EBF3: variants seen among roughly 807,000 people sequenced by gnomAD.
EBF3 encodes the protein transcription factor COE3.
In EBF3, 18 loss-of-function variants were observed where a neutral mutation model predicts 77.1. That is an observed-to-expected ratio of 0.23 (90% CI 0.16 to 0.35). The LOEUF (loss-of-function observed/expected upper bound fraction) is 0.35, where lower values mean the gene tolerates loss of function less well. Among genes scored for constraint, EBF3 ranks in the 10% least tolerant of loss-of-function variants. The pLI is 1.00. For missense variants in EBF3, 558 were observed against 860.0 expected, an observed-to-expected ratio of 0.65 and a Z score of 4.39; for synonymous variants, 350 against 343.5, an observed-to-expected ratio of 1.02 and a Z score of -0.21.
At chr10:129,946,277 C>T (rs1858219833) in intron 6 of EBF3, among the ~76,000 whole-genome samples, 1 of 152,198 alleles carries the variant, frequency 6.6e-6, no homozygotes, top group African/African-American at 2.4e-5. Flanking sequence ...AACTCTGAAA[C>T]AATGTAAATT....
chr10:129,868,654 G>A (rs1394710973), intron 8 of EBF3, among the ~76,000 whole-genome samples: 1 of 152,222 alleles, frequency 6.6e-6, no homozygotes, highest in South Asian at 2.1e-4. Context: ...GGTGCAGGGG[G>A]GAGGGGACCA....
intron 9 of EBF3, among the ~76,000 whole-genome samples, 176 bp downstream of exon 9, chr10:129,867,606 G>A (rs1289360584): frequency 6.6e-6 from 1 of 152,216 alleles, no homozygotes; most frequent in African/African-American, 2.4e-5. Flanking sequence ...GGGCTGCAGG[G>A]CAGGGGGGTG....
intron 6 of EBF3, among the ~76,000 whole-genome samples, chr10:129,911,178 GGGACCTCCA>G (rs1855501289): frequency 6.6e-6 from 1 of 152,234 alleles, no homozygotes; most frequent in African/African-American, 2.4e-5. Flanking sequence ...ACAGCTGTGA[GGGACCTCCA>G]GCCCACGGGT....
rs543562128 is a variant in EBF3 at position 129,841,588 on chromosome 10, C to T, written c.1372+528G>A. 1.2e-4 allele frequency among the ~76,000 whole-genome samples: 18 copies of T among 152,200 alleles called. No individual in the cohort carries two copies. The East Asian group carries it at 1.9e-3, about 16-fold the overall frequency. On this transcript the variant is annotated intron_variant, in intron 13 of 16. Transcript: ENST00000440978. The surrounding 1 kb of genome is among the most constrained non-coding windows in gnomAD (Gnocchi z 4.6). ...AGGTGTTTTCTAAGATCACTGCCTG[C>T]GCGCTTTTCAATGAAGAAAACTAAA...
intron 10 of EBF3, among the ~76,000 whole-genome samples, chr10:129,850,990 G>C (rs986899712): frequency 6.6e-6 from 1 of 152,206 alleles, no homozygotes; most frequent in African/African-American, 2.4e-5. Flanking sequence ...CCAGGGCAAG[G>C]CGCTGGCACG....
intron 6 of EBF3, among the ~76,000 whole-genome samples, chr10:129,904,527 G>T (rs1854999744): frequency 6.6e-6 from 1 of 151,740 alleles, no homozygotes; most frequent in Non-Finnish European, 1.5e-5. Flanking sequence ...GTGCACATAT[G>T]GATAGATGAA....
At chr10:129,873,657 G>C in intron 7 of EBF3, 61 bp from the exon 8 acceptor site, 1 of 1,428,622 alleles carries the variant, frequency 7.0e-7, no homozygotes, top group East Asian at 2.6e-5. Flanking sequence ...CCCCCTGTTA[G>C]GCAAAATACA....
rs10665456 is a variant in EBF3, at chr10:129,889,946, CTTTTTTT to C, written c.555-12104_555-12098del. 1.6e-3 allele frequency among the ~76,000 whole-genome samples: 134 copies of C among 82,876 alleles called. No individual in the cohort carries two copies. The South Asian group carries it at 0.02, about 13-fold the overall frequency. 54.4% of individuals were successfully genotyped at this position (82,876 alleles called of 152,430 possible). ...AAATGAGCAAAGCCCATTGAAGTGCCTTTTTTTTTTTTTTTTTTTTTTTTTTTTTTGG... is the reference window on the plus strand; with the variant it reads ...AAATGAGCAAAGCCCATTGAAGTGCCTTTTTTTTTTTTTTTTTTTTTTTGG... On this transcript the variant is annotated intron_variant, in intron 6 of 16. Transcript: ENST00000440978.
rs1858296724 is a variant in EBF3 at position 129,947,217 on chromosome 10, CCG to C, written c.554+10039_554+10040del. 6.6e-6 allele frequency among the ~76,000 whole-genome samples: 1 copy of C among 152,228 alleles called. No homozygotes were observed. Among genetic ancestry groups the C allele is most frequent in the Non-Finnish European group, 1.5e-5 (1 of 68,048 alleles). The stretch of plus-strand genomic sequence containing the variant: ...GGGGCCGCCGGGGGACCACCCCATC[CCG>C]GCACACTGATCTGATTTACAAACCT... On this transcript the variant is annotated intron_variant, in intron 6 of 16. Transcript: ENST00000440978. The surrounding 1 kb of genome is among the most constrained non-coding windows in gnomAD (Gnocchi z 4.5).
In EBF3 at chr10:129,891,698, G is replaced by A. The variant is rs551117791; in HGVS notation, c.555-13849C>T. 6.6e-5 allele frequency among the ~76,000 whole-genome samples: 10 copies of A among 152,266 alleles called. No homozygotes were observed. The East Asian group carries it at 1.5e-3, about 24-fold the overall frequency. On this transcript the variant is annotated intron_variant, in intron 6 of 16. Transcript: ENST00000440978. ...GCCATCCTTTGTGGATCCGTGGCCCGGTGGTCTGCCACCCAAGGAGGTGAT... is the reference window on the plus strand; with the variant it reads ...GCCATCCTTTGTGGATCCGTGGCCCAGTGGTCTGCCACCCAAGGAGGTGAT...
intron 6 of EBF3, among the ~76,000 whole-genome samples, chr10:129,916,770 G>A (rs1032006933): frequency 3.3e-5 from 5 of 152,162 alleles, no homozygotes; most frequent in East Asian, 1.9e-4. Flanking sequence ...TCCGGCTCAC[G>A]CTCAGCCTCA....
chr10:129,912,397 A>G (rs1294854851), intron 6 of EBF3, among the ~76,000 whole-genome samples: 1 of 152,186 alleles, frequency 6.6e-6, no homozygotes, highest in African/African-American at 2.4e-5. Flanking sequence ...CTGCCTCCTG[A>G]TTGGCTCCTG....
intron 6 of EBF3, among the ~76,000 whole-genome samples, chr10:129,931,169 C>T (rs1354390435): frequency 1.3e-5 from 2 of 152,166 alleles, no homozygotes; most frequent in Non-Finnish European, 2.9e-5. Flanking sequence ...TTGGTTCTGT[C>T]TTTCTGGAAA....
intron 6 of EBF3, among the ~76,000 whole-genome samples, chr10:129,932,147 G>C (rs1197402671): frequency 6.6e-6 from 1 of 152,216 alleles, no homozygotes. Context: ...CAGGGTAGAA[G>C]CACCCCCTCC....
At chr10:129,884,095 A>G (rs1853402760) in intron 6 of EBF3, among the ~76,000 whole-genome samples, 1 of 152,304 alleles carries the variant, frequency 6.6e-6, no homozygotes, top group South Asian at 2.1e-4. Flanking sequence ...TCCCTGACTG[A>G]TAAGAGTGGC....
At chr10:129,845,221 T>A (rs1287809571) in intron 11 of EBF3, 1 of 152,238 alleles carries the variant, frequency 6.6e-6, no homozygotes. Context: ...TTGAACAAGT[T>A]TGTTTTGTTA....
At chr10:129,845,129 C>G (rs533477408) in intron 11 of EBF3, among the ~76,000 whole-genome samples, 1 of 152,284 alleles carries the variant, frequency 6.6e-6, no homozygotes, top group African/African-American at 2.4e-5. Context: ...CTAATGAACC[C>G]GACTTTCTGA....
chr10:129,854,583 C>T (rs1040406399), intron 10 of EBF3, among the ~76,000 whole-genome samples: 16 of 152,116 alleles, frequency 1.1e-4, no homozygotes, highest in African/African-American at 3.6e-4. Flanking sequence ...CACATTAACG[C>T]GGCCATGGAA....
At chr10:129,881,544 C>T (rs1853211360) in intron 6 of EBF3, among the ~76,000 whole-genome samples, 1 of 152,208 alleles carries the variant, frequency 6.6e-6, no homozygotes, top group East Asian at 1.9e-4. Flanking sequence ...GGGAAGTTCT[C>T]AGGAACCAGC....
Sources: allele counts gnomAD v4.1 joint callset (sites outside exome capture counted in the v4.1 genomes callset), GRCh38; gene constraint gnomAD v4.1.1; non-coding constraint Gnocchi (gnomAD v3.1); transcripts MANE v1.5; gene names NCBI Gene and HGNC (gene_info 2026-07-23, HGNC 2026-07-21).